The following SYT16 variants were observed in gnomAD, a reference collection of about 807,000 sequenced individuals.
SYT16 encodes synaptotagmin 16.
SYT16 carries 42 observed loss-of-function variants against 61.4 expected under a neutral mutation model. The observed-to-expected ratio is 0.68, with a 90% confidence interval of 0.53 to 0.89. SYT16 has a LOEUF of 0.89. Among genes scored for constraint, SYT16 ranks in the 40% least tolerant of loss-of-function variants. The probability of loss-of-function intolerance (pLI) is 0.00; values close to 1 mark genes in which losing one functional copy is unlikely to be tolerated. For synonymous variants in SYT16, 314 were observed against 302.3 expected, an observed-to-expected ratio of 1.04 and a Z score of -0.40; for missense variants, 804 against 807.3, an observed-to-expected ratio of 1.00 and a Z score of 0.05.
At chr14:61,944,858 C>T (rs1000557509) in intron 1 of SYT16, among the ~76,000 whole-genome samples, 3 of 152,122 alleles carry the variant, frequency 2.0e-5, no homozygotes, top group African/African-American at 7.2e-5. Flanking sequence ...ACACCAAAAG[C>T]AATGGCAACA....
At chr14:62,013,113 ATTAT>A (rs1221474488) in intron 3 of SYT16, among the ~76,000 whole-genome samples, 2 of 152,234 alleles carry the variant, frequency 1.3e-5, no homozygotes, top group African/African-American at 4.8e-5. Flanking sequence ...TTTTACATAT[ATTAT>A]TTAATCATCA....
intron 3 of SYT16, among the ~76,000 whole-genome samples, chr14:62,033,024 AT>A (rs5809137): frequency 0.38 from 58,139 of 151,558 alleles, 12,619 homozygotes; most frequent in African/African-American, 0.6. Context: ...ATTTCATGAA[AT>A]TAAGGTACCA....
intron 3 of SYT16, among the ~76,000 whole-genome samples, chr14:61,998,182 C>T (rs2052846592): frequency 6.6e-6 from 1 of 151,934 alleles, no homozygotes; most frequent in Admixed American, 6.6e-5. Flanking sequence ...TTTACACATA[C>T]ACATATTCTT....
At chr14:61,886,880 C>CTTTTTTTTT (rs371140698) in intron 1 of SYT16, among the ~76,000 whole-genome samples, 214 of 110,700 alleles carry the variant, frequency 1.9e-3, no homozygotes, top group Non-Finnish European at 2.7e-3. Context: ...TTTTTTTTGT[C>CTTTTTTTTT]TTTTTTTTTT....
At chr14:62,096,010 G>A (rs1238082797) in intron 7 of SYT16, among the ~76,000 whole-genome samples, 1 of 151,800 alleles carries the variant, frequency 6.6e-6, no homozygotes, top group Non-Finnish European at 1.5e-5. Context: ...GGGAGATAAT[G>A]GATTATTTAA....
At chr14:61,845,039 CTT>C (rs35131511) in intron 1 of SYT16, among the ~76,000 whole-genome samples, 7,130 of 97,570 alleles carry the variant, frequency 0.073, 220 homozygotes, top group Non-Finnish European at 0.086. Context: ...TACTAGAAGA[CTT>C]TTTTTTTTTT....
intron 1 of SYT16, among the ~76,000 whole-genome samples, chr14:61,816,676 A>T (rs1042787417): frequency 1.3e-5 from 2 of 152,126 alleles, no homozygotes; most frequent in African/African-American, 4.8e-5. Context: ...TTTCTTTAGG[A>T]TCCCTCTCTG....
intron 1 of SYT16, among the ~76,000 whole-genome samples, chr14:61,911,357 T>C (rs2021429): frequency 2.6e-5 from 4 of 152,130 alleles, no homozygotes; most frequent in African/African-American, 9.7e-5. Flanking sequence ...AAGTATTTTC[T>C]GTCTAAAGTA....
intron 1 of SYT16, among the ~76,000 whole-genome samples, chr14:61,912,074 A>G (rs370428171): frequency 6.6e-6 from 1 of 152,200 alleles, no homozygotes; most frequent in African/African-American, 2.4e-5. Context: ...TTTCAAGATG[A>G]TTATGGGAGT....
intron 1 of SYT16, among the ~76,000 whole-genome samples, chr14:61,924,544 G>A (rs1198223524): frequency 7.9e-5 from 12 of 152,200 alleles, no homozygotes; most frequent in Admixed American, 5.2e-4. Flanking sequence ...ATCTTGGTTC[G>A]AGTACCTACC....
In SYT16 at chr14:61,928,864, G is replaced by T. The variant is rs184608318; in HGVS notation, c.-324-41268G>T. 2.0e-5 allele frequency among the ~76,000 whole-genome samples: 3 copies of T among 152,258 alleles called. No homozygotes were observed. In the East Asian group the frequency reaches 5.8e-4, roughly 29 times the overall value. ...GATAAGTACATAAATATGGATAAAAGCACGTCCCAAAGCACCATCTCCTGC... is the reference window on the plus strand; with the variant it reads ...GATAAGTACATAAATATGGATAAAATCACGTCCCAAAGCACCATCTCCTGC... On this transcript the variant is annotated intron_variant, in intron 1 of 7. Transcript: ENST00000683842.
chr14:62,011,920 C>CATATATATATATAT lies in SYT16; in HGVS notation c.523+15379_523+15380insTATATATATATATA, dbSNP rs1165099592. Among the ~76,000 whole-genome samples the CATATATATATATAT allele has an allele frequency of 1.5e-4, 16 of 104,594 alleles. 1 individual carries two copies. The highest frequency in any genetic ancestry group is 6.8e-4 in the African/African-American group (16 of 23,538). The allele number at this position is 104,594 out of a possible 152,430, so 68.6% of individuals were successfully genotyped here. On this transcript the variant is annotated intron_variant, in intron 3 of 7. Transcript: ENST00000683842. ...ACACACACACATATATATACACACACACACACATATATATATATATATTTG... is the reference window on the plus strand; with the variant it reads ...ACACACACACATATATATACACACACATATATATATATATACACACATATATATATATATATTTG...
chr14:61,949,546 C>G (rs2050585810), intron 1 of SYT16, among the ~76,000 whole-genome samples: 1 of 152,094 alleles, frequency 6.6e-6, no homozygotes, highest in Non-Finnish European at 1.5e-5. Flanking sequence ...GCCTTCAACT[C>G]CTGGGCTCAA....
chr14:62,032,125 A>G (rs1013911093), intron 3 of SYT16, among the ~76,000 whole-genome samples: 6 of 152,148 alleles, frequency 3.9e-5, no homozygotes, highest in African/African-American at 7.2e-5. Context: ...TGACCCAGTA[A>G]GTTGAGTGAA....
intron 4 of SYT16, among the ~76,000 whole-genome samples, chr14:62,071,974 T>G (rs1471904916): frequency 6.6e-6 from 1 of 152,206 alleles, no homozygotes; most frequent in East Asian, 1.9e-4. Flanking sequence ...TTCTCTTTTG[T>G]CCTGTGTATC....
chr14:62,026,726 C>A (rs183760097), intron 3 of SYT16, among the ~76,000 whole-genome samples: 146 of 152,200 alleles, frequency 9.6e-4, no homozygotes, highest in African/African-American at 3.1e-3. Flanking sequence ...GCCAGTATAC[C>A]GCATAGCATG....
chr14:61,899,323 T>C (rs2048429903), intron 1 of SYT16, among the ~76,000 whole-genome samples: 1 of 152,212 alleles, frequency 6.6e-6, no homozygotes, highest in African/African-American at 2.4e-5. Context: ...GAGAGGCTGC[T>C]GAAATCTACT....
chr14:61,996,325 C>T lies in SYT16; in HGVS notation c.306C>T (p.Ala102=), dbSNP rs1246880084. The change falls in exon 3 of 8, where the codon GCC becomes GCT. Residue 102 remains alanine, a synonymous_variant. Transcript: ENST00000683842. ...GTAATAGTGATTTGCAGGACTCTGC[C>T]CAAAATTCAAGCCCAAGCCTTAGCC... ...SCCNSDLQDS[A]QNSSPSLSQH... 2 of 1,613,332 alleles carry T rather than the reference C, an allele frequency of 1.2e-6. No individual in the cohort carries two copies. The highest frequency in any genetic ancestry group is 8.5e-7 in the Non-Finnish European group (1 of 1,179,484).
At chr14:61,962,229 G>A (rs189941797) in intron 1 of SYT16, among the ~76,000 whole-genome samples, 274 of 152,006 alleles carry the variant, frequency 1.8e-3, no homozygotes, top group Admixed American at 4.1e-3. Flanking sequence ...TGCCAATTTA[G>A]CTATATAAAA....
Sources: gnomAD v4.1 joint callset for allele counts (sites outside exome capture counted in the v4.1 genomes callset) on GRCh38, gnomAD v4.1.1 for gene constraint, MANE v1.5 for transcripts, NCBI Gene and HGNC (gene_info 2026-07-23, HGNC 2026-07-21) for gene names.